TBC1D5: variants seen among roughly 807,000 people sequenced by gnomAD.
TBC1D5 encodes TBC1 domain family, member 5.
A neutral mutation model predicts 100.3 loss-of-function variants in TBC1D5; 75 were observed. That is an observed-to-expected ratio of 0.75 (90% confidence interval 0.62 to 0.91). The LOEUF (loss-of-function observed/expected upper bound fraction) is 0.91. TBC1D5 is among the 40% of genes least tolerant of loss of function. The probability of loss-of-function intolerance (pLI) is 0.00; values close to 1 mark genes in which losing one functional copy is unlikely to be tolerated. For synonymous variants in TBC1D5, 323 were observed against 325.6 expected, an observed-to-expected ratio of 0.99 and a Z score of 0.09; for missense variants, 910 against 942.4, an observed-to-expected ratio of 0.97 and a Z score of 0.45.
At chr3:17,271,731 G>C (rs1393215794) in intron 15 of TBC1D5, among the ~76,000 whole-genome samples, 4 of 152,104 alleles carry the variant, frequency 2.6e-5, no homozygotes, top group African/African-American at 9.7e-5. Flanking sequence ...GTATGATGTT[G>C]GCTGTGGGTT....
intron 2 of TBC1D5, among the ~76,000 whole-genome samples, chr3:17,519,539 A>C (rs1042861022): frequency 1.3e-5 from 2 of 152,034 alleles, no homozygotes; most frequent in African/African-American, 4.8e-5. Flanking sequence ...CCTAATATTA[A>C]CCATTCTTTA....
chr3:17,371,233 G>A (rs73156310), intron 13 of TBC1D5, among the ~76,000 whole-genome samples: 4 of 152,072 alleles, frequency 2.6e-5, no homozygotes, highest in South Asian at 2.1e-4. Flanking sequence ...AGGAATCTAC[G>A]TCTGAGGGTA....
intron 9 of TBC1D5, among the ~76,000 whole-genome samples, chr3:17,378,542 G>A (rs770553724): frequency 6.6e-6 from 1 of 151,670 alleles, no homozygotes; most frequent in African/African-American, 2.4e-5. Flanking sequence ...CGTTTCCTTG[G>A]TGATGTCTAA....
intron 2 of TBC1D5, among the ~76,000 whole-genome samples, chr3:17,604,438 C>T (rs1196877974): frequency 6.6e-6 from 1 of 152,154 alleles, no homozygotes; most frequent in Non-Finnish European, 1.5e-5. Flanking sequence ...TAACAAGACT[C>T]TACCACATAT....
At chr3:17,705,995 TG>T in intron 1 of TBC1D5, 1 of 1,466,952 alleles carries the variant, frequency 6.8e-7, no homozygotes, top group Admixed American at 2.4e-5. Flanking sequence ...TTTTTTTTTT[TG>T]AGACGGAGTC....
chr3:17,622,473 A>G (rs2062748926), intron 2 of TBC1D5, among the ~76,000 whole-genome samples: 1 of 152,186 alleles, frequency 6.6e-6, no homozygotes, highest in Admixed American at 6.5e-5. Flanking sequence ...GTATAACATC[A>G]CAATTTCAGA....
chr3:17,415,381 C>T (rs770731401), intron 4 of TBC1D5, among the ~76,000 whole-genome samples: 7 of 151,768 alleles, frequency 4.6e-5, no homozygotes, highest in Non-Finnish European at 8.8e-5. Flanking sequence ...AGGATGGTCT[C>T]GATCTCCTGA....
At chr3:17,378,898 T>C (rs1367204607) in intron 9 of TBC1D5, among the ~76,000 whole-genome samples, 3 of 151,778 alleles carry the variant, frequency 2.0e-5, no homozygotes, top group Non-Finnish European at 2.9e-5. Flanking sequence ...ATAAATTCAA[T>C]CTATTCAATA....
At chr3:17,226,340 A>G (rs2074904227) in intron 17 of TBC1D5, among the ~76,000 whole-genome samples, 3 of 149,240 alleles carry the variant, frequency 2.0e-5, no homozygotes. Context: ...AGAGAGGAAC[A>G]GCATGAAACA....
At chr3:17,344,102 T>C (rs1165934759) in intron 13 of TBC1D5, among the ~76,000 whole-genome samples, 1 of 152,192 alleles carries the variant, frequency 6.6e-6, no homozygotes, top group Non-Finnish European at 1.5e-5. Context: ...TGTGGGCATT[T>C]AGTGCTATAA....
intron 2 of TBC1D5, among the ~76,000 whole-genome samples, chr3:17,538,352 G>GA (rs775851210): frequency 6.6e-6 from 1 of 152,060 alleles, no homozygotes; most frequent in Non-Finnish European, 1.5e-5. Flanking sequence ...CCTCTTATAC[G>GA]ACCTTCCAAT....
At chr3:17,664,770 T>G (rs2067051675) in intron 1 of TBC1D5, among the ~76,000 whole-genome samples, 1 of 152,122 alleles carries the variant, frequency 6.6e-6, no homozygotes, top group Non-Finnish European at 1.5e-5. Context: ...TTAAGGCTCC[T>G]GAATATAAAC....
intron 1 of TBC1D5, among the ~76,000 whole-genome samples, chr3:17,651,347 A>G (rs572573816): frequency 6.6e-6 from 1 of 152,298 alleles, no homozygotes; most frequent in East Asian, 1.9e-4. Flanking sequence ...CCCAGAATAT[A>G]ATCATTCTTT....
intron 2 of TBC1D5, among the ~76,000 whole-genome samples, chr3:17,578,892 C>T (rs2096674177): frequency 6.6e-6 from 1 of 151,910 alleles, no homozygotes; most frequent in African/African-American, 2.4e-5. Context: ...AACTTCTAAG[C>T]CTAAATAATC....
At chr3:17,649,066 T>C (rs2065281817) in intron 1 of TBC1D5, among the ~76,000 whole-genome samples, 1 of 152,016 alleles carries the variant, frequency 6.6e-6, no homozygotes, top group Non-Finnish European at 1.5e-5. Flanking sequence ...AGGAAACACA[T>C]GGAATCAACC....
intron 13 of TBC1D5, among the ~76,000 whole-genome samples, chr3:17,348,887 A>G (rs536603957): frequency 4.2e-4 from 64 of 152,334 alleles, no homozygotes; most frequent in Non-Finnish European, 2.6e-4. Flanking sequence ...TAGAATCTCT[A>G]AATTCTAGAC....
At chr3:17,455,708 T>G (rs2095068951) in intron 3 of TBC1D5, among the ~76,000 whole-genome samples, 1 of 151,940 alleles carries the variant, frequency 6.6e-6, no homozygotes. Context: ...GGTGTCATGG[T>G]GCACACTTGT....
At chr3:17,325,174 A>G (rs923327606) in intron 13 of TBC1D5, among the ~76,000 whole-genome samples, 9 of 152,046 alleles carry the variant, frequency 5.9e-5, no homozygotes, top group Non-Finnish European at 4.4e-5. Flanking sequence ...GGTTTTATTC[A>G]TAATTGCTCA....
Position 17,374,609 on chromosome 3 carries a change from A to C in TBC1D5, c.752+20T>G. 1 of 1,610,426 alleles carries C rather than the reference A, an allele frequency of 6.2e-7. No homozygotes were observed. The highest frequency in any genetic ancestry group is 1.3e-5 in the African/African-American group (1 of 74,762). On this transcript the variant is annotated intron_variant, in intron 11 of 21. Coordinates refer to ENST00000253692, the Ensembl canonical transcript of TBC1D5. ...AATGATGGTATAAAAAAATAAAACA[A>C]AGAAAGTTTTTGTACTTACTAGGCA...
Sources: gnomAD v4.1 joint callset for allele counts (sites outside exome capture counted in the v4.1 genomes callset) on GRCh38, gnomAD v4.1.1 for gene constraint, MANE v1.5 for transcripts, NCBI Gene and HGNC (gene_info 2026-07-23, HGNC 2026-07-21) for gene names.